KHDRBS2: variants seen among roughly 807,000 people sequenced by gnomAD.
KHDRBS2 encodes the protein KH domain-containing, RNA-binding, signal transduction-associated protein 2.
In KHDRBS2, 26 loss-of-function variants were observed where a neutral mutation model predicts 44.3. The ratio of observed to expected loss-of-function variants is 0.59; its 90% CI spans 0.43 to 0.81. The LOEUF is 0.81. Among genes scored for constraint, KHDRBS2 ranks in the 40% least tolerant of loss-of-function variants. KHDRBS2 has a pLI of 0.00. For missense variants in KHDRBS2, 476 were observed against 433.1 expected, an observed-to-expected ratio of 1.10 and a Z score of -0.88; for synonymous variants, 194 against 151.1, an observed-to-expected ratio of 1.28 and a Z score of -2.08.
rs73478965 is a variant in KHDRBS2 at position 61,884,239 on chromosome 6, G to A, written c.810+10396C>T. Among the ~76,000 whole-genome samples the A allele has an allele frequency of 9.8e-3, 1,485 of 152,110 alleles. 26 individuals carry two copies. The highest frequency in any genetic ancestry group is 0.034 in the African/African-American group (1,425 of 41,512). On this transcript the variant is annotated intron_variant, in intron 6 of 8. Transcript: ENST00000281156. ...AGATGATAGGATAGGCTGGAATGCC[G>A]ATAGGCTTACTTAAGGCTGATGAAA...
At chr6:61,973,018 C>A (rs1408665487) in intron 4 of KHDRBS2, among the ~76,000 whole-genome samples, 1 of 152,148 alleles carries the variant, frequency 6.6e-6, no homozygotes, top group African/African-American at 2.4e-5. Flanking sequence ...TGGTGGCATG[C>A]ACCTGTAATC....
chr6:61,583,309 ATTGT>A, the KHDRBS2 span, among the ~76,000 whole-genome samples: 1 of 151,790 alleles, frequency 6.6e-6, no homozygotes, highest in Non-Finnish European at 1.5e-5. Flanking sequence ...GCATATATAA[ATTGT>A]TTGTTTCTCT....
At chr6:62,189,199 C>G (rs1460137256) in intron 1 of KHDRBS2, among the ~76,000 whole-genome samples, 4 of 151,916 alleles carry the variant, frequency 2.6e-5, no homozygotes, top group African/African-American at 9.7e-5. Context: ...GTCCTGAGAA[C>G]ATTCAATCAG....
chr6:62,172,091 T>A (rs1820126501), intron 2 of KHDRBS2, among the ~76,000 whole-genome samples: 1 of 152,102 alleles, frequency 6.6e-6, no homozygotes. Flanking sequence ...TAACCTTGAA[T>A]ATAAATGGGT....
At chr6:61,848,228 G>C (rs1794695970) in intron 6 of KHDRBS2, among the ~76,000 whole-genome samples, 1 of 151,304 alleles carries the variant, frequency 6.6e-6, no homozygotes, top group Non-Finnish European at 1.5e-5. Flanking sequence ...TTTTAATTCT[G>C]ATGCAGGTAG....
chr6:62,035,569 C>G (rs1310890690), intron 3 of KHDRBS2, among the ~76,000 whole-genome samples: 1 of 151,818 alleles, frequency 6.6e-6, no homozygotes, highest in Non-Finnish European at 1.5e-5. Flanking sequence ...TGAATAAGAC[C>G]TAGTATTTGA....
At chr6:62,103,452 A>G (rs1391377018) in intron 2 of KHDRBS2, among the ~76,000 whole-genome samples, 2 of 152,116 alleles carry the variant, frequency 1.3e-5, no homozygotes, top group Non-Finnish European at 2.9e-5. Flanking sequence ...GCTTGGTCAC[A>G]ATGTTGTTCT....
intron 2 of KHDRBS2, among the ~76,000 whole-genome samples, chr6:62,058,739 T>C (rs1447118901): frequency 2.0e-5 from 3 of 151,824 alleles, no homozygotes; most frequent in Non-Finnish European, 1.5e-5. Flanking sequence ...CCTGTAAAAT[T>C]AATTTCATTT....
intron 4 of KHDRBS2, among the ~76,000 whole-genome samples, chr6:61,975,412 T>C (rs1772378571): frequency 6.6e-6 from 1 of 152,264 alleles, no homozygotes; most frequent in South Asian, 2.1e-4. Context: ...TGGGCTTTAA[T>C]ATAAAATATC....
chr6:61,645,185 C>T, the KHDRBS2 span, among the ~76,000 whole-genome samples: 1 of 151,934 alleles, frequency 6.6e-6, no homozygotes, highest in African/African-American at 2.4e-5. Flanking sequence ...AACTGGAGGC[C>T]ACCATACTTA....
At chr6:62,171,193 A>G (rs1819926127) in intron 2 of KHDRBS2, among the ~76,000 whole-genome samples, 2 of 152,114 alleles carry the variant, frequency 1.3e-5, no homozygotes, top group Non-Finnish European at 2.9e-5. Context: ...ATTCAGGAGA[A>G]AGTCAAAATC....
chr6:61,700,498 C>G lies in KHDRBS2; in HGVS notation c.894-3245G>C, dbSNP rs376339164. ...TAATCAAAATGGACTCTGCCACAGTCTATACCTTAGATTATTAAAATATAA... is the reference window on the plus strand; with the variant it reads ...TAATCAAAATGGACTCTGCCACAGTGTATACCTTAGATTATTAAAATATAA... On this transcript the variant is annotated intron_variant, in intron 7 of 8. Transcript: ENST00000281156. Among the ~76,000 whole-genome samples, 329 of 151,030 alleles carry G rather than the reference C, an allele frequency of 2.2e-3. 2 individuals are homozygous for G. The highest frequency in any genetic ancestry group is 7.8e-3 in the African/African-American group (321 of 41,078).
At chr6:61,742,466 T>C (rs1350237898) in intron 6 of KHDRBS2, among the ~76,000 whole-genome samples, 2 of 152,032 alleles carry the variant, frequency 1.3e-5, no homozygotes, top group Non-Finnish European at 2.9e-5. Flanking sequence ...TGACTATGGG[T>C]TACTTATAAT....
At chr6:61,620,426 A>AT in the KHDRBS2 span, among the ~76,000 whole-genome samples, 1 of 152,158 alleles carries the variant, frequency 6.6e-6, no homozygotes, top group Non-Finnish European at 1.5e-5. Flanking sequence ...ACAGTTAGTA[A>AT]TTACAGTGTT....
intron 1 of KHDRBS2, among the ~76,000 whole-genome samples, chr6:62,267,790 G>T (rs1839442801): frequency 6.6e-6 from 1 of 151,896 alleles, no homozygotes; most frequent in Non-Finnish European, 1.5e-5. Context: ...GATGCTTTCA[G>T]GGATTCAAAT....
At position 62,150,240 on chromosome 6, in the gene KHDRBS2, A is replaced by G. The variant is rs537561977; in HGVS notation, c.219+26945T>C. Reference sequence around the variant, plus strand: ...TCTTTTCAGTAATGGCCCTGACAGTATTTTTGCTGCCACCATGTGGCTGGT... The same window carrying G: ...TCTTTTCAGTAATGGCCCTGACAGTGTTTTTGCTGCCACCATGTGGCTGGT... On this transcript the variant is annotated intron_variant, in intron 2 of 8. Transcript: ENST00000281156. Among the ~76,000 whole-genome samples, 4 of 151,362 alleles carry G rather than the reference A, an allele frequency of 2.6e-5. No individual in the cohort carries two copies. The South Asian group carries it at 6.3e-4, about 24-fold the overall frequency.
chr6:62,208,303 C>T (rs1026309682), intron 1 of KHDRBS2, among the ~76,000 whole-genome samples: 7 of 152,102 alleles, frequency 4.6e-5, no homozygotes, highest in East Asian at 3.9e-4. Flanking sequence ...AATCATAGTG[C>T]GCTACAGTCC....
intron 6 of KHDRBS2, among the ~76,000 whole-genome samples, chr6:61,889,529 C>A (rs2127325765): frequency 7.3e-6 from 1 of 137,906 alleles, no homozygotes; most frequent in South Asian, 2.4e-4. Context: ...ATCATCAAAT[C>A]TTAACAGATG....
At chr6:62,161,953 T>C (rs1262428333) in intron 2 of KHDRBS2, among the ~76,000 whole-genome samples, 3 of 152,054 alleles carry the variant, frequency 2.0e-5, no homozygotes, top group Non-Finnish European at 2.9e-5. Flanking sequence ...CAAAATTACA[T>C]CTTTATATAT....
Sources: gnomAD v4.1 joint callset for allele counts (sites outside exome capture counted in the v4.1 genomes callset) on GRCh38, gnomAD v4.1.1 for gene constraint, MANE v1.5 for transcripts, NCBI Gene and HGNC (gene_info 2026-07-23, HGNC 2026-07-21) for gene names.